The following NEGR1 variants were observed in gnomAD, a reference collection of about 807,000 sequenced individuals.
NEGR1 encodes the protein IgLON family member 4.
A neutral mutation model predicts 40.9 loss-of-function variants in NEGR1; 10 were observed. The ratio of observed to expected loss-of-function variants is 0.24; its 90% CI spans 0.15 to 0.42. NEGR1 has a LOEUF of 0.42. Among genes scored for constraint, NEGR1 ranks in the 10% least tolerant of loss-of-function variants. NEGR1 has a pLI of 1.00. For synonymous variants in NEGR1, 185 were observed against 166.8 expected (o/e 1.11, Z -0.84); for missense variants, 352 against 438.9 (o/e 0.80, Z 1.77).
At chr1:71,790,064 G>A (rs988462506) in intron 2 of NEGR1, among the ~76,000 whole-genome samples, 1 of 152,092 alleles carries the variant, frequency 6.6e-6, no homozygotes, top group Non-Finnish European at 1.5e-5. Context: ...TACCTTTTGA[G>A]TAGGTCAACT....
intron 1 of NEGR1, among the ~76,000 whole-genome samples, chr1:72,264,313 C>G (rs530733410): frequency 6.0e-5 from 9 of 151,144 alleles, no homozygotes; most frequent in African/African-American, 2.2e-4. Context: ...TTCTCCTTCC[C>G]TCATAAGGCT....
At chr1:71,995,326 T>C (rs908239036) in intron 1 of NEGR1, among the ~76,000 whole-genome samples, 1 of 152,038 alleles carries the variant, frequency 6.6e-6, no homozygotes, top group Non-Finnish European at 1.5e-5. Flanking sequence ...CTTCAGGAAA[T>C]AGCCCATGAA....
intron 1 of NEGR1, among the ~76,000 whole-genome samples, chr1:72,136,528 T>C (rs997580877): frequency 5.4e-5 from 8 of 149,118 alleles, no homozygotes; most frequent in African/African-American, 2.0e-4. Flanking sequence ...CAAAAAAAAA[T>C]GACTTCCAGA....
chr1:71,685,066 C>T (rs1652985121), intron 4 of NEGR1, among the ~76,000 whole-genome samples: 1 of 152,034 alleles, frequency 6.6e-6, no homozygotes, highest in Non-Finnish European at 1.5e-5. Flanking sequence ...TGTATTAAAG[C>T]ACAAACCCAG....
At chr1:71,949,520 C>T (rs1646050741) in intron 1 of NEGR1, among the ~76,000 whole-genome samples, 1 of 152,002 alleles carries the variant, frequency 6.6e-6, no homozygotes, top group African/African-American at 2.4e-5. Flanking sequence ...ATAAGAACTC[C>T]AAATAAAATA....
intron 1 of NEGR1, among the ~76,000 whole-genome samples, chr1:72,247,243 C>T (rs1654932218): frequency 6.6e-6 from 1 of 152,182 alleles, no homozygotes; most frequent in South Asian, 2.1e-4. Context: ...AAGGTGGTTG[C>T]TCCAAAGCCA....
intron 6 of NEGR1, among the ~76,000 whole-genome samples, chr1:71,552,236 C>T (rs560395460): frequency 8.6e-5 from 13 of 151,388 alleles, no homozygotes; most frequent in Non-Finnish European, 1.6e-4. Context: ...ATCTGTTTAA[C>T]CAGACACCTT....
intron 1 of NEGR1, among the ~76,000 whole-genome samples, chr1:72,033,827 C>T (rs749387831): frequency 3.0e-4 from 45 of 152,122 alleles, no homozygotes; most frequent in Non-Finnish European, 5.1e-4. Flanking sequence ...ATACAACACT[C>T]CAGGCAATGC....
chr1:71,687,108 T>G (rs1653065804), intron 4 of NEGR1, among the ~76,000 whole-genome samples: 1 of 152,218 alleles, frequency 6.6e-6, no homozygotes, highest in Non-Finnish European at 1.5e-5. Flanking sequence ...GCAGAAAAAT[T>G]AATATGCATT....
chr1:72,091,003 G>A (rs996275957), intron 1 of NEGR1, among the ~76,000 whole-genome samples: 1 of 152,146 alleles, frequency 6.6e-6, no homozygotes, highest in Non-Finnish European at 1.5e-5. Context: ...GAAGCTTTTT[G>A]TGAAAACATA....
intron 1 of NEGR1, among the ~76,000 whole-genome samples, chr1:72,254,166 G>T (rs1655188758): frequency 6.6e-6 from 1 of 152,078 alleles, no homozygotes; most frequent in Admixed American, 6.5e-5. Flanking sequence ...GAAGTATTAT[G>T]TATTGTCTTT....
chr1:71,502,085 A>T (rs1647003330), intron 6 of NEGR1, among the ~76,000 whole-genome samples: 1 of 152,184 alleles, frequency 6.6e-6, no homozygotes, highest in Non-Finnish European at 1.5e-5. Flanking sequence ...AAACATTTTA[A>T]ATGGTCCATT....
chr1:71,829,715 C>T (rs1422954572), intron 2 of NEGR1, among the ~76,000 whole-genome samples: 1 of 151,832 alleles, frequency 6.6e-6, no homozygotes, highest in Non-Finnish European at 1.5e-5. Flanking sequence ...TATAATACAA[C>T]AACACAATCA....
chr1:71,701,932 T>C (rs2101632767), intron 3 of NEGR1, among the ~76,000 whole-genome samples: 1 of 152,120 alleles, frequency 6.6e-6, no homozygotes, highest in African/African-American at 2.4e-5. Context: ...TCAAGTAATG[T>C]AAGTCTGAGA....
chr1:71,984,260 GA>G (rs1646376787), intron 1 of NEGR1, among the ~76,000 whole-genome samples: 1 of 121,410 alleles, frequency 8.2e-6, no homozygotes, highest in Non-Finnish European at 1.9e-5. Context: ...CTGCTCAACA[GA>G]ATATTTATTC....
In NEGR1 at chr1:71,805,864, G is replaced by A. The variant is rs191294568; in HGVS notation, c.410-29567C>T. Among the ~76,000 whole-genome samples the A allele has an allele frequency of 7.0e-4, 107 of 152,172 alleles. 1 individual carries two copies. Among genetic ancestry groups the A allele is most frequent in the South Asian group, 5.8e-3 (28 of 4,814 alleles). ...GGTTAATGAAAAAATAATGACTATG[G>A]CAAATTTGCTTTTGCAAACTGCTTA... On this transcript the variant is annotated intron_variant, in intron 2 of 6. Coordinates refer to ENST00000357731, the MANE Select transcript of NEGR1 (RefSeq NM_173808.3).
rs144488063 is a variant in NEGR1 at position 71,637,941 on chromosome 1, C to A, written c.668-26795G>T. On this transcript the variant is annotated intron_variant, in intron 4 of 6. Coordinates refer to ENST00000357731, the MANE Select transcript of NEGR1 (RefSeq NM_173808.3). ...CTATTTGCCAAAACAGCACTAAATT[C>A]TCTAAATGCATTATTTTATTTAAAA... 3.8e-3 allele frequency among the ~76,000 whole-genome samples: 581 copies of A among 152,134 alleles called. 1 individual carries two copies. The highest frequency in any genetic ancestry group is 0.017 in the Middle Eastern group (5 of 294).
At chr1:71,935,569 C>T (rs1008748100) in intron 1 of NEGR1, among the ~76,000 whole-genome samples, 7 of 151,458 alleles carry the variant, frequency 4.6e-5, no homozygotes, top group African/African-American at 1.7e-4. Context: ...GTGTGTGTTT[C>T]AACTGAAAGT....
At chr1:72,077,836 A>G (rs891329054) in intron 1 of NEGR1, among the ~76,000 whole-genome samples, 2 of 152,056 alleles carry the variant, frequency 1.3e-5, no homozygotes, top group African/African-American at 4.8e-5. Flanking sequence ...AAAGGGGATG[A>G]AAATTTCCCA....
Sources: gnomAD v4.1 joint callset for allele counts (sites outside exome capture counted in the v4.1 genomes callset) on GRCh38, gnomAD v4.1.1 for gene constraint, MANE v1.5 for transcripts, NCBI Gene and HGNC (gene_info 2026-07-23, HGNC 2026-07-21) for gene names.